Variants in UBE2Q2 observed in about 807,000 individuals in gnomAD.
UBE2Q2 encodes ubiquitin conjugating enzyme E2 Q2, also known as ubiquitin-conjugating enzyme E2 Q2.
UBE2Q2 carries 54 observed loss-of-function variants against 59.9 expected under a neutral mutation model. The ratio of observed to expected loss-of-function variants is 0.90; its 90% CI spans 0.72 to 1.13. UBE2Q2 has a LOEUF of 1.13. Among genes scored for constraint, UBE2Q2 ranks in the 50% most tolerant of loss-of-function variants. UBE2Q2 has a pLI of 0.00. For synonymous variants in UBE2Q2, 165 were observed against 155.2 expected (o/e 1.06, Z -0.47); for missense variants, 433 against 441.9 (o/e 0.98, Z 0.18).
chr15:75,855,438 C>A (rs1373319863), intron 2 of UBE2Q2, among the ~76,000 whole-genome samples: 1 of 151,682 alleles, frequency 6.6e-6, no homozygotes, highest in Non-Finnish European at 1.5e-5. Context: ...TTGTGGTGAG[C>A]CGAGATCACG....
At chr15:75,870,562 C>T (rs1897731525) in intron 4 of UBE2Q2, among the ~76,000 whole-genome samples, 1 of 152,094 alleles carries the variant, frequency 6.6e-6, no homozygotes, top group East Asian at 1.9e-4. Context: ...TCTTTTTCCC[C>T]TCATAAGATA....
chr15:75,851,265 A>AT (rs1235123220), intron 1 of UBE2Q2, among the ~76,000 whole-genome samples: 2 of 150,456 alleles, frequency 1.3e-5, no homozygotes, highest in African/African-American at 2.5e-5. Context: ...AATTTTTTGT[A>AT]TTTTTTTGTA....
chr15:75,888,033 A>G (rs984819127), intron 9 of UBE2Q2, among the ~76,000 whole-genome samples: 24 of 152,184 alleles, frequency 1.6e-4, no homozygotes, highest in Admixed American at 5.2e-4. Context: ...TCTTCTAGTT[A>G]TGACCCTACT....
intron 8 of UBE2Q2, among the ~76,000 whole-genome samples, chr15:75,879,446 AT>A (rs772618790): frequency 4.6e-5 from 7 of 152,370 alleles, no homozygotes; most frequent in Non-Finnish European, 1.0e-4. Context: ...TGTGGTGTTT[AT>A]AAAGTGGTTT....
At chr15:75,881,365 T>C (rs901867088) in intron 8 of UBE2Q2, among the ~76,000 whole-genome samples, 2 of 152,060 alleles carry the variant, frequency 1.3e-5, no homozygotes, top group African/African-American at 4.8e-5. Flanking sequence ...ATAGGTAGTG[T>C]TTTCATTATT....
chr15:75,872,704 T>G (rs1161227484), intron 4 of UBE2Q2, among the ~76,000 whole-genome samples: 1 of 152,042 alleles, frequency 6.6e-6, no homozygotes, highest in African/African-American at 2.4e-5. Context: ...TTTTTCTAGT[T>G]ATAAACGTCA....
At chr15:75,881,768 A>C (rs903827725) in intron 8 of UBE2Q2, among the ~76,000 whole-genome samples, 4 of 152,218 alleles carry the variant, frequency 2.6e-5, no homozygotes, top group Non-Finnish European at 4.4e-5. Flanking sequence ...GGCAGGAGGG[A>C]ATGTGACCTT....
chr15:75,887,222 AT>A (rs1476810651), intron 9 of UBE2Q2, among the ~76,000 whole-genome samples: 1 of 152,176 alleles, frequency 6.6e-6, no homozygotes, highest in East Asian at 1.9e-4. Flanking sequence ...TACTCCATTG[AT>A]TATCAAATGC....
intron 9 of UBE2Q2, among the ~76,000 whole-genome samples, chr15:75,890,178 T>C (rs367912525): frequency 6.6e-6 from 1 of 152,212 alleles, no homozygotes; most frequent in African/African-American, 2.4e-5. Context: ...ATTACTGATA[T>C]CATACAAATC....
chr15:75,852,535 C>A (rs561078769), intron 1 of UBE2Q2, among the ~76,000 whole-genome samples: 9 of 152,076 alleles, frequency 5.9e-5, no homozygotes, highest in Non-Finnish European at 1.3e-4. Flanking sequence ...GGTTTCAGTC[C>A]AGAGTGAAGA....
In UBE2Q2 at chr15:75,878,172, A is replaced by G. The variant is rs530342986; in HGVS notation, c.734+151A>G. On this transcript the variant is annotated intron_variant, in intron 7 of 12. Transcript: ENST00000267938. ...TAGAAATAGTTCTTAGATTGTTTAA[A>G]TGAGCTGTTGCTGAGGTCTAATAAG... The G allele has an allele frequency of 8.2e-6, 5 of 611,006 alleles. No homozygotes were observed. The East Asian group carries it at 9.1e-5, about 11-fold the overall frequency. 37.8% of individuals were successfully genotyped at this position (611,006 alleles called of 1,614,324 possible).
chr15:75,866,688 C>T (rs1210451221), intron 3 of UBE2Q2, among the ~76,000 whole-genome samples: 1 of 148,226 alleles, frequency 6.7e-6, no homozygotes, highest in African/African-American at 2.6e-5. Context: ...GGAAATGTCA[C>T]TGTTTGTTTT....
At chr15:75,886,489 G>C (rs561580737) in intron 9 of UBE2Q2, among the ~76,000 whole-genome samples, 1 of 152,148 alleles carries the variant, frequency 6.6e-6, no homozygotes, top group Non-Finnish European at 1.5e-5. Context: ...ATAAGCATGG[G>C]AAAAGGAAGA....
rs1433296239 is a variant in UBE2Q2, at chr15:75,883,403, T to C, written c.863T>C (p.Val288Ala). 10 of 1,613,238 alleles carry C rather than the reference T, an allele frequency of 6.2e-6. No individual in the cohort carries two copies. Among genetic ancestry groups the C allele is most frequent in the Admixed American group, 1.7e-5 (1 of 59,940 alleles). The change falls in exon 9 of 13, where the codon GTG becomes GCG. Residue 288 changes from valine (V) to alanine (A), a missense_variant. Val to Ala is a moderately conservative substitution (Grantham distance 64). Transcript: ENST00000267938. Reference protein sequence around the residue: ...FPFDPPFVRVVLPVLSGGYVL... With the variant: ...FPFDPPFVRVALPVLSGGYVL... ...TTTGATCCTCCATTTGTTCGAGTGG[T>C]GTTACCTGTTCTCTCAGGAGGGTAA...
At chr15:75,885,555 C>T (rs1028572305) in intron 9 of UBE2Q2, among the ~76,000 whole-genome samples, 3 of 152,196 alleles carry the variant, frequency 2.0e-5, no homozygotes, top group Non-Finnish European at 4.4e-5. Flanking sequence ...ATAATTTACA[C>T]GATAGCATCT....
intron 1 of UBE2Q2, among the ~76,000 whole-genome samples, chr15:75,846,384 T>C (rs1177671062): frequency 6.6e-6 from 1 of 152,136 alleles, no homozygotes; most frequent in Admixed American, 6.6e-5. Context: ...ATTACAGGTT[T>C]CCGCCGCCAC....
intron 10 of UBE2Q2, 71 bp downstream of exon 10, chr15:75,890,554 T>C (rs1567041946): frequency 2.9e-6 from 4 of 1,381,602 alleles, no homozygotes; most frequent in Non-Finnish European, 3.0e-6. Flanking sequence ...AGATTGTAAG[T>C]AGAAAATTCT....
intron 3 of UBE2Q2, among the ~76,000 whole-genome samples, chr15:75,861,148 A>G (rs1007777203): frequency 6.6e-6 from 1 of 152,250 alleles, no homozygotes; most frequent in African/African-American, 2.4e-5. Flanking sequence ...AGTTCGTACA[A>G]GTAAACCATT....
intron 8 of UBE2Q2, 112 bp from the exon 9 acceptor site, chr15:75,883,254 A>G (rs1898544593): frequency 3.0e-6 from 3 of 996,766 alleles, no homozygotes; most frequent in East Asian, 5.6e-5. Flanking sequence ...ACTCTTACCC[A>G]TTATCTGATA....
Sources: gnomAD v4.1 joint callset for allele counts (sites outside exome capture counted in the v4.1 genomes callset) on GRCh38, gnomAD v4.1.1 for gene constraint, MANE v1.5 for transcripts, NCBI Gene and HGNC (gene_info 2026-07-23, HGNC 2026-07-21) for gene names.